The following SNTG1 variants were observed in gnomAD, a reference collection of about 807,000 sequenced individuals.
SNTG1 encodes the protein gamma-1-syntrophin.
A neutral mutation model predicts 74.7 loss-of-function variants in SNTG1; 39 were observed. The ratio of observed to expected loss-of-function variants is 0.52; its 90% CI spans 0.40 to 0.68. The LOEUF (loss-of-function observed/expected upper bound fraction) is 0.68. SNTG1 is among the 30% of genes least tolerant of loss of function. SNTG1 has a pLI of 0.00. For missense variants in SNTG1, 685 were observed against 609.5 expected (o/e 1.12, Z -1.30); for synonymous variants, 254 against 217.1 (o/e 1.17, Z -1.49).
intron 13 of SNTG1, among the ~76,000 whole-genome samples, chr8:50,612,434 ATACAT>A (rs2094857232): frequency 6.6e-6 from 1 of 152,218 alleles, no homozygotes; most frequent in Non-Finnish European, 1.5e-5. Flanking sequence ...TCTCTTCATA[ATACAT>A]TACATTTCAA....
intron 3 of SNTG1, among the ~76,000 whole-genome samples, chr8:50,398,326 T>C (rs1051064556): frequency 6.6e-6 from 1 of 152,188 alleles, no homozygotes; most frequent in Non-Finnish European, 1.5e-5. Context: ...CCTGGTCCTC[T>C]CCAGACATCT....
chr8:49,930,553 A>ATG lies in SNTG1; in HGVS notation c.-103+18330_-103+18331dup, dbSNP rs942021500. Among the ~76,000 whole-genome samples, 13 of 148,818 alleles carry ATG rather than the reference A, an allele frequency of 8.7e-5. No individual in the cohort carries two copies. The East Asian group carries it at 1.6e-3, about 18-fold the overall frequency. On this transcript the variant is annotated intron_variant, in intron 1 of 18. Transcript: ENST00000642720. ...TGTAGCATATGTACATATTATACAT[A>ATG]TGTGTGTGTATATATATATATATGT...
At chr8:49,967,577 A>G (rs1335898994) in intron 1 of SNTG1, among the ~76,000 whole-genome samples, 1 of 94,520 alleles carries the variant, frequency 1.1e-5, no homozygotes, top group Non-Finnish European at 2.0e-5. Context: ...TTTAATTCGA[A>G]TTGGTTAATT....
chr8:50,135,736 A>G (rs969513608), intron 1 of SNTG1, among the ~76,000 whole-genome samples: 3 of 152,080 alleles, frequency 2.0e-5, no homozygotes, highest in Non-Finnish European at 2.9e-5. Context: ...CTCTCAGTTT[A>G]TCTGAAATTT....
At chr8:49,971,270 T>A (rs1321761499) in intron 1 of SNTG1, among the ~76,000 whole-genome samples, 3 of 152,170 alleles carry the variant, frequency 2.0e-5, no homozygotes, top group African/African-American at 7.2e-5. Flanking sequence ...AAAAACCACA[T>A]GATTATCTCA....
At chr8:50,038,571 T>C (rs578097887) in intron 1 of SNTG1, among the ~76,000 whole-genome samples, 1 of 152,318 alleles carries the variant, frequency 6.6e-6, no homozygotes, top group South Asian at 2.1e-4. Context: ...ATCATTTTTC[T>C]TTCCATCAAT....
chr8:50,496,588 T>G (rs977625889), intron 8 of SNTG1, among the ~76,000 whole-genome samples: 2 of 152,202 alleles, frequency 1.3e-5, no homozygotes, highest in African/African-American at 4.8e-5. Flanking sequence ...CTTTTCTTCT[T>G]AATAGATGAA....
At chr8:50,491,084 A>G (rs938952943) in intron 8 of SNTG1, 1 of 152,534 alleles carries the variant, frequency 6.6e-6, no homozygotes, top group Non-Finnish European at 1.5e-5. Flanking sequence ...CAAGGACGTG[A>G]CACAGATGTC....
chr8:50,327,814 T>C (rs1209812706), intron 2 of SNTG1, among the ~76,000 whole-genome samples: 1 of 152,124 alleles, frequency 6.6e-6, no homozygotes, highest in Non-Finnish European at 1.5e-5. Context: ...ATTCTTAACA[T>C]GTCAGCTCCT....
At chr8:50,556,900 CCACACTAAT>C (rs2094458731) in intron 12 of SNTG1, among the ~76,000 whole-genome samples, 1 of 152,056 alleles carries the variant, frequency 6.6e-6, no homozygotes, top group Admixed American at 6.6e-5. Flanking sequence ...ACATTCTAAC[CCACACTAAT>C]CACATGCTGA....
At chr8:50,533,130 G>A (rs1359287924) in intron 10 of SNTG1, among the ~76,000 whole-genome samples, 1 of 152,148 alleles carries the variant, frequency 6.6e-6, no homozygotes, top group Non-Finnish European at 1.5e-5. Context: ...CCAAGACCTT[G>A]GCTCTTAAGC....
intron 2 of SNTG1, among the ~76,000 whole-genome samples, chr8:50,213,478 A>C (rs1285482922): frequency 6.6e-6 from 1 of 152,152 alleles, no homozygotes; most frequent in African/African-American, 2.4e-5. Flanking sequence ...AAAATAAACT[A>C]TTTTGTCATC....
In SNTG1 at chr8:50,792,966, G is replaced by A. The variant is rs545016441; in HGVS notation, c.*137G>A. 1.1e-6 allele frequency: 1 copy of A among 911,282 alleles called. No individual in the cohort carries two copies. The highest frequency in any genetic ancestry group is 3.0e-5 in the Admixed American group (1 of 33,320). 56.4% of individuals were successfully genotyped at this position (911,282 alleles called of 1,614,324 possible). A position where few individuals can be genotyped will look rare whatever the true frequency, so the allele number is the denominator to read the frequency against. ...ATCAAAATTTCGGCAGAAAAAGAAG[G>A]TCATGTGGAACCTCAAAAACACTTC... On this transcript the variant is annotated 3_prime_UTR_variant, in exon 19 of 19. Coordinates refer to ENST00000642720, the MANE Select transcript of SNTG1 (RefSeq NM_018967.5).
At chr8:50,143,970 A>C (rs1324887722) in intron 1 of SNTG1, among the ~76,000 whole-genome samples, 1 of 152,178 alleles carries the variant, frequency 6.6e-6, no homozygotes, top group African/African-American at 2.4e-5. Context: ...TGTCACCAGA[A>C]GCCTTCCATC....
At chr8:50,491,715 T>G (rs2131885612) in intron 8 of SNTG1, among the ~76,000 whole-genome samples, 1 of 151,994 alleles carries the variant, frequency 6.6e-6, no homozygotes, top group African/African-American at 2.4e-5. Flanking sequence ...ATTTATTTAT[T>G]TATTTATTTA....
chr8:50,265,862 C>G (rs145339659), intron 2 of SNTG1, among the ~76,000 whole-genome samples: 1 of 151,692 alleles, frequency 6.6e-6, no homozygotes, highest in East Asian at 1.9e-4. Context: ...AAATGAAATA[C>G]TTTGGAATAA....
chr8:50,703,506 G>C (rs1038919242), intron 15 of SNTG1, among the ~76,000 whole-genome samples: 13 of 151,784 alleles, frequency 8.6e-5, no homozygotes, highest in East Asian at 1.9e-4. Flanking sequence ...TGAAGGAACT[G>C]CTTGAGCCTG....
chr8:50,418,418 C>A lies in SNTG1; in HGVS notation c.162+16074C>A, dbSNP rs186514048. ...GATCTCTAAGTCTCAGTCTTCACTG[C>A]TGAGTCTTTTCTTCATTTCCATCTA... On this transcript the variant is annotated intron_variant, in intron 4 of 18. Transcript: ENST00000642720. Among the ~76,000 whole-genome samples the A allele has an allele frequency of 9.1e-4, 139 of 152,220 alleles. 2 individuals are homozygous for A. Among genetic ancestry groups the A allele is most frequent in the Non-Finnish European group, 1.3e-3 (88 of 68,016 alleles).
intron 2 of SNTG1, among the ~76,000 whole-genome samples, chr8:50,210,246 G>A (rs530150844): frequency 5.9e-5 from 9 of 152,284 alleles, no homozygotes; most frequent in African/African-American, 1.9e-4. Flanking sequence ...CCAAATCTAT[G>A]TCTGATTGAT....
Sources: allele counts gnomAD v4.1 joint callset (sites outside exome capture counted in the v4.1 genomes callset), GRCh38; gene constraint gnomAD v4.1.1; transcripts MANE v1.5; gene names NCBI Gene and HGNC (gene_info 2026-07-23, HGNC 2026-07-21).